ZNF81: variants seen among roughly 807,000 people sequenced by gnomAD.
ZNF81 encodes the protein zinc finger protein 81.
Under a neutral mutation model 32.3 loss-of-function variants are expected in ZNF81, and 5 were observed. The ratio of observed to expected loss-of-function variants is 0.15; its 90% CI spans 0.08 to 0.33. The LOEUF (loss-of-function observed/expected upper bound fraction) is 0.33, where lower values mean the gene tolerates loss of function less well. Ranked by LOEUF, ZNF81 falls within the 10% of genes least tolerant of loss-of-function variation. The pLI is 1.00. For synonymous variants in ZNF81, 163 were observed against 166.8 expected (o/e 0.98, Z 0.17); for missense variants, 379 against 479.8 (o/e 0.79, Z 1.96).
chrX:47,843,427 A>G (rs1170585882), intron 1 of ZNF81, among the ~76,000 whole-genome samples: 1 of 98,473 alleles, frequency 1.0e-5, no homozygotes, highest in African/African-American at 3.6e-5. Context: ...TGTTATTCCT[A>G]TATCTACACA....
At chrX:47,865,000 T>C (rs1299681956) in intron 2 of ZNF81, among the ~76,000 whole-genome samples, 1 of 112,361 alleles carries the variant, frequency 8.9e-6, no homozygotes, top group Non-Finnish European at 1.9e-5. Flanking sequence ...TCAGTTCTGC[T>C]GAGGTTGAAC....
At chrX:47,862,805 TCTTA>T (rs2058546394) in intron 2 of ZNF81, among the ~76,000 whole-genome samples, 1 of 111,670 alleles carries the variant, frequency 9.0e-6, no homozygotes, top group South Asian at 3.7e-4. Flanking sequence ...TGGTTTTGAA[TCTTA>T]CTTTTATAGG....
At chrX:47,884,462 C>T (rs1053791954) in intron 2 of ZNF81, among the ~76,000 whole-genome samples, 10 of 110,233 alleles carry the variant, frequency 9.1e-5, no homozygotes, top group Non-Finnish European at 1.7e-4. Flanking sequence ...TTGGCTGGGG[C>T]TGCATTCATC....
intron 2 of ZNF81, among the ~76,000 whole-genome samples, chrX:47,847,277 C>T (rs782618251): frequency 1.8e-5 from 2 of 111,274 alleles, no homozygotes; most frequent in Non-Finnish European, 3.8e-5. Flanking sequence ...CGCAGTGGCA[C>T]GATCATAGCT....
At chrX:47,858,272 A>G (rs2058525167) in intron 2 of ZNF81, among the ~76,000 whole-genome samples, 1 of 112,248 alleles carries the variant, frequency 8.9e-6, no homozygotes, top group African/African-American at 3.2e-5. Context: ...ATCAAAGTCA[A>G]GCATCCCACA....
intron 2 of ZNF81, among the ~76,000 whole-genome samples, chrX:47,873,199 T>C (rs1400897756): frequency 1.8e-5 from 2 of 112,016 alleles, no homozygotes; most frequent in African/African-American, 6.5e-5. Context: ...GACCTATCTT[T>C]ATGGGAACTG....
At chrX:47,893,174 G>C (rs1005307245) in intron 3 of ZNF81, among the ~76,000 whole-genome samples, 41 of 111,435 alleles carry the variant, frequency 3.7e-4, no homozygotes, top group Non-Finnish European at 3.8e-5. Flanking sequence ...AGGGAGTTAA[G>C]AGACTGAAGT....
intron 2 of ZNF81, among the ~76,000 whole-genome samples, chrX:47,859,047 G>A (rs1270787427): frequency 1.9e-5 from 2 of 107,293 alleles, no homozygotes; most frequent in African/African-American, 6.8e-5. Context: ...AGGCAAGATC[G>A]CACTATTGCA....
chrX:47,862,575 C>T (rs2058545562), intron 2 of ZNF81, among the ~76,000 whole-genome samples: 1 of 110,451 alleles, frequency 9.1e-6, no homozygotes, highest in East Asian at 2.8e-4. Context: ...TCAGGGTGAC[C>T]CTGGGAAGAA....
At chrX:47,862,833 AGTTCCAGT>A (rs2148014469) in intron 2 of ZNF81, among the ~76,000 whole-genome samples, 1 of 111,542 alleles carries the variant, frequency 9.0e-6, no homozygotes, top group South Asian at 3.8e-4. Context: ...GAGTGGGGAG[AGTTCCAGT>A]GTGGAGGTGG....
At chrX:47,905,814 G>A (rs1323470597) in intron 4 of ZNF81, among the ~76,000 whole-genome samples, 1 of 112,569 alleles carries the variant, frequency 8.9e-6, no homozygotes, top group Non-Finnish European at 1.9e-5. Flanking sequence ...CAGCTGCGAA[G>A]CAATGACCTA....
chrX:47,920,806 G>A lies in ZNF81; in HGVS notation c.*4174G>A, dbSNP rs1556891807. The A allele has an allele frequency of 9.0e-6, 1 of 110,791 alleles. No individual in the cohort carries two copies. Among genetic ancestry groups the A allele is most frequent in the African/African-American group, 3.3e-5 (1 of 30,433 alleles). The allele number at this position is 110,791 out of a possible 1,213,427, so 9.1% of individuals were successfully genotyped here. ...TGCAAGCAGAGACCAACTACCCTTA[G>A]GTCTACAGCTCTCATGAGTCTCCCG... On this transcript the variant is annotated 3_prime_UTR_variant, in exon 5 of 5. Transcript: ENST00000338637.
In ZNF81 at chrX:47,918,219, G is replaced by C. The variant is rs1464103827; in HGVS notation, c.*1587G>C. The C allele has an allele frequency of 4.5e-5, 5 of 111,398 alleles. No homozygotes were observed. Among genetic ancestry groups the C allele is most frequent in the Non-Finnish European group, 9.4e-5 (5 of 53,120 alleles). The allele number at this position is 111,398 out of a possible 1,213,427, so 9.2% of individuals were successfully genotyped here. A position where few individuals can be genotyped will look rare whatever the true frequency, so the allele number is the denominator to read the frequency against. On this transcript the variant is annotated 3_prime_UTR_variant, in exon 5 of 5. Transcript: ENST00000338637. The stretch of plus-strand genomic sequence containing the variant: ...AAATATGGAAAAGCCAAGGATTGCT[G>C]GGTTGAAAAATAATGCTTTCACATC...
At chrX:47,899,279 C>T (rs2058690308) in intron 4 of ZNF81, among the ~76,000 whole-genome samples, 1 of 50,900 alleles carries the variant, frequency 2.0e-5, no homozygotes, top group Non-Finnish European at 4.1e-5. Context: ...CTAATCCTAG[C>T]TTGTTTCATA....
At chrX:47,887,899 T>C in intron 2 of ZNF81, 100 bp from the exon 3 acceptor site, 1 of 1,014,644 alleles carries the variant, frequency 9.9e-7, no homozygotes, top group Non-Finnish European at 1.4e-6. Flanking sequence ...TACCATATCG[T>C]ATATTATGAT....
intron 2 of ZNF81, among the ~76,000 whole-genome samples, chrX:47,883,865 TC>T (rs1258783673): frequency 2.0e-4 from 22 of 112,029 alleles, no homozygotes; most frequent in African/African-American, 6.8e-4. Flanking sequence ...GTAATCCACT[TC>T]CCTTTATGTG....
chrX:47,896,095 G>A lies in ZNF81; in HGVS notation c.277+155G>A, dbSNP rs1173114439. 6.3e-5 allele frequency among the ~76,000 whole-genome samples: 7 copies of A among 111,734 alleles called. No homozygotes were observed. The Admixed American group carries it at 6.6e-4, about 11-fold the overall frequency. On this transcript the variant is annotated intron_variant, in intron 4 of 4. Transcript: ENST00000338637. ...GCATTGGCCTCTCGGGTGCCAAATT[G>A]TTCTCTCCTTTTATTTCTCTTACTG...
At chrX:47,847,343 T>A (rs1369539992) in intron 2 of ZNF81, among the ~76,000 whole-genome samples, 1 of 111,473 alleles carries the variant, frequency 9.0e-6, no homozygotes, top group Non-Finnish European at 1.9e-5. Context: ...GCCTCCCAAG[T>A]AGCTGGGACT....
intron 1 of ZNF81, among the ~76,000 whole-genome samples, chrX:47,843,655 C>T (rs1556880090): frequency 9.0e-6 from 1 of 111,563 alleles, no homozygotes; most frequent in Non-Finnish European, 1.9e-5. Context: ...TCCTGAATAG[C>T]TGGAACTACA....
Sources: allele counts gnomAD v4.1 joint callset (sites outside exome capture counted in the v4.1 genomes callset), GRCh38; gene constraint gnomAD v4.1.1; transcripts MANE v1.5; gene names NCBI Gene and HGNC (gene_info 2026-07-23, HGNC 2026-07-21).